USP4: variants seen among roughly 807,000 people sequenced by gnomAD.
USP4 encodes ubiquitin specific peptidase 4.
A neutral mutation model predicts 118.2 loss-of-function variants in USP4; 72 were observed. The observed-to-expected ratio is 0.61, with a 90% CI of 0.50 to 0.74. The LOEUF (loss-of-function observed/expected upper bound fraction) is 0.74. Among genes scored for constraint, USP4 ranks in the 30% least tolerant of loss-of-function variants. The pLI is 0.00. For synonymous variants in USP4, 415 were observed against 440.4 expected (o/e 0.94, Z 0.72); for missense variants, 1,037 against 1,185.7 (o/e 0.87, Z 1.84).
At position 49,297,906 on chromosome 3, in the gene USP4, C is replaced by T; in HGVS notation, c.1655G>A (p.Gly552Asp). 2 of 1,614,114 alleles carry T rather than the reference C, an allele frequency of 1.2e-6. No homozygotes were observed. The highest frequency in any genetic ancestry group is 1.3e-5 in the African/African-American group (1 of 75,028). The change falls in exon 13 of 22, where the codon GGT (glycine) becomes GAT (aspartate). Residue 552 changes from glycine (G) to aspartate (D), a missense_variant. Physicochemically the swap from Gly to Asp is moderately conservative, Grantham distance 94 (BLOSUM62 -1). Around this residue, in one of 3 missense-constraint regions of USP4, gnomAD observed 522 missense variants for 592.6 expected, o/e 0.88. Transcript: ENST00000265560. ...RFHKIFQMDEGLNHIMPRDDI... is the reference protein window; with the variant it reads ...RFHKIFQMDEDLNHIMPRDDI... ...ATCCCGAGGCATGATGTGGTTTAAA[C>T]CTTCATCCATTTGGAAAATTTTGTG...
In USP4 at chr3:49,286,128, C is replaced by T. The variant is rs541925823; in HGVS notation, c.2170G>A (p.Ala724Thr). Residue 724 changes from alanine (A) to threonine (T), a missense_variant, in exon 16 of 22, where the codon GCA (alanine) becomes ACA (threonine). Around this residue, in one of 3 missense-constraint regions of USP4, gnomAD observed 522 missense variants for 592.6 expected, o/e 0.88. Coordinates refer to ENST00000265560, the MANE Select transcript of USP4 (RefSeq NM_003363.4). ...AGTTTAAGTAGTTTTCCATCAGCTG[C>T]AAGTGAATTTATGTCAGCTGTTCCA... ...SYGTADINSLAADGKLLKLNS... is the reference protein window; with the variant it reads ...SYGTADINSLTADGKLLKLNS... 2.5e-5 allele frequency: 40 copies of T among 1,614,168 alleles called. 1 individual carries two copies. The South Asian group carries it at 4.2e-4, about 17-fold the overall frequency.
At chr3:49,278,966 G>A in intron 20 of USP4, 64 bp from the exon 21 acceptor site, 2 of 1,114,204 alleles carry the variant, frequency 1.8e-6, no homozygotes, top group East Asian at 2.6e-5. Flanking sequence ...TAGCTTATTA[G>A]GCTTGCACTA....
chr3:49,295,288 C>CAAAAAAAAAAAA (rs34296887), intron 13 of USP4, among the ~76,000 whole-genome samples: 2 of 11,944 alleles, frequency 1.7e-4, no homozygotes, highest in Non-Finnish European at 1.8e-4. Context: ...GACTCCATCT[C>CAAAAAAAAAAAA]AAAAAAAAAA....
intron 9 of USP4, among the ~76,000 whole-genome samples, chr3:49,305,231 C>G (rs2047301929): frequency 6.8e-6 from 1 of 146,506 alleles, no homozygotes; most frequent in Non-Finnish European, 1.5e-5. Context: ...TGCCATCACA[C>G]CTAGCTAATT....
Position 49,292,558 on chromosome 3 carries a change from A to G in USP4, c.1924T>C (p.Ser642Pro), listed in dbSNP as rs61761588. ...KQPLPDEFGS[S>P]PLEPGACNGS... ...TTGCAGGCCCCTGGCTCCAAGGGTG[A>G]GCTGCCAAACTCATCAGGTAAAGGC... Residue 642 changes from serine to proline, a missense_variant, in exon 15 of 22, where the codon TCA becomes CCA. Ser to Pro is a moderately conservative substitution (Grantham distance 74). Coordinates refer to ENST00000265560, the MANE Select transcript of USP4 (RefSeq NM_003363.4). The G allele has an allele frequency of 5.6e-6, 9 of 1,601,352 alleles. No individual in the cohort carries two copies. Among genetic ancestry groups the G allele is most frequent in the Non-Finnish European group, 6.0e-6 (7 of 1,173,314 alleles).
intron 6 of USP4, chr3:49,312,288 G>A (rs2107788778): frequency 6.2e-6 from 2 of 321,468 alleles, no homozygotes; most frequent in East Asian, 8.9e-5. Context: ...CTGGCCATGA[G>A]GTCAGGAGTT....
chr3:49,321,777 T>C (rs1416947739), intron 6 of USP4, among the ~76,000 whole-genome samples: 1 of 151,950 alleles, frequency 6.6e-6, no homozygotes, highest in Non-Finnish European at 1.5e-5. Context: ...GCGGATCACT[T>C]GAGGCTAGAA....
In USP4 at chr3:49,284,792, C is replaced by A. The variant is rs748855345; in HGVS notation, c.2271+57G>T. 8.3e-5 allele frequency: 126 copies of A among 1,516,426 alleles called. 3 individuals carry two copies. The Admixed American group carries it at 9.3e-4, about 11-fold the overall frequency. 93.9% of individuals were successfully genotyped at this position (1,516,426 alleles called of 1,614,324 possible). ...TCCAACTGGTGAAAGTGATCGCAGTCCACATCCAGAGCAGAAACCAGCAGA... is the reference window on the plus strand; with the variant it reads ...TCCAACTGGTGAAAGTGATCGCAGTACACATCCAGAGCAGAAACCAGCAGA... On this transcript the variant is annotated intron_variant, in intron 17 of 21. Coordinates refer to ENST00000265560, the MANE Select transcript of USP4 (RefSeq NM_003363.4).
At chr3:49,288,790 G>A (rs1197810599) in intron 15 of USP4, among the ~76,000 whole-genome samples, 1 of 152,120 alleles carries the variant, frequency 6.6e-6, no homozygotes, top group Non-Finnish European at 1.5e-5. Context: ...GCCTAACAAG[G>A]AGCCATGTCA....
chr3:49,283,894 A>G (rs568482689), intron 19 of USP4, 93 bp downstream of exon 19: 123 of 1,517,650 alleles, frequency 8.1e-5, no homozygotes, highest in African/African-American at 4.3e-4. Context: ...CCTTACTCAG[A>G]AAAGTTTTTG....
rs1432792088 is a variant in USP4 at position 49,277,333 on chromosome 3, G to A, written c.*960C>T. ...CCTTAAGGCCTTGCCCACACGCAGC[G>A]GCTGGCCCCGCGGTGGGAGTGGGGA... On this transcript the variant is annotated 3_prime_UTR_variant, in exon 22 of 22. Transcript: ENST00000265560. The A allele has an allele frequency of 1.5e-5, 15 of 993,960 alleles. No individual in the cohort carries two copies. Among genetic ancestry groups the A allele is most frequent in the Admixed American group, 2.8e-5 (1 of 35,666 alleles). 61.6% of individuals were successfully genotyped at this position (993,960 alleles called of 1,614,324 possible). A position where few individuals can be genotyped will look rare whatever the true frequency, so the allele number is the denominator to read the frequency against.
chr3:49,285,063 C>T (rs1294223082), intron 16 of USP4, 144 bp from the exon 17 acceptor site: 1 of 649,512 alleles, frequency 1.5e-6, no homozygotes, highest in Non-Finnish European at 2.7e-6. Flanking sequence ...GAGCAATGCT[C>T]TGCAATGGGC....
At chr3:49,334,983 T>C (rs181173572) in intron 2 of USP4, among the ~76,000 whole-genome samples, 5 of 152,284 alleles carry the variant, frequency 3.3e-5, no homozygotes, top group East Asian at 3.9e-4. Flanking sequence ...ACAGTTCCCA[T>C]TGGGAGCTGA....
chr3:49,285,086 C>T (rs2047079125), intron 16 of USP4, among the ~76,000 whole-genome samples, 167 bp from the exon 17 acceptor site: 1 of 152,132 alleles, frequency 6.6e-6, no homozygotes, highest in African/African-American at 2.4e-5. Flanking sequence ...GCCCTTCTGA[C>T]CCCCAGCCCC....
At chr3:49,339,497 G>C (rs1286599200) in intron 1 of USP4, among the ~76,000 whole-genome samples, 1 of 152,224 alleles carries the variant, frequency 6.6e-6, no homozygotes, top group African/African-American at 2.4e-5. Flanking sequence ...AAGTTACAAA[G>C]TATCTACTTC....
Position 49,300,559 on chromosome 3 carries a change from A to G in USP4, c.1420T>C (p.Phe474Leu), listed in dbSNP as rs773353714. 3 of 1,614,220 alleles carry G rather than the reference A, an allele frequency of 1.9e-6. No individual in the cohort carries two copies. The highest frequency in any genetic ancestry group is 8.5e-7 in the Non-Finnish European group (1 of 1,180,040). Residue 474 changes from phenylalanine to leucine, a missense_variant, in exon 11 of 22, where the codon TTT (phenylalanine) becomes CTT (leucine). This residue lies in a region of USP4 where 28 missense variants were observed against 59.0 expected (regional missense o/e 0.47). Coordinates refer to ENST00000265560, the MANE Select transcript of USP4 (RefSeq NM_003363.4). ...CAKVSVTFDPFCYLTLPLPLK... is the reference protein window; with the variant it reads ...CAKVSVTFDPLCYLTLPLPLK... ...GGCAGTGGCAGCGTTAGATAGCAAA[A>G]TGGGTCAAAGGTCACAGAAACCTTA...
At chr3:49,315,545 T>C (rs2047426393) in intron 6 of USP4, among the ~76,000 whole-genome samples, 1 of 152,020 alleles carries the variant, frequency 6.6e-6, no homozygotes, top group Non-Finnish European at 1.5e-5. Flanking sequence ...GCATATATAT[T>C]AGGTAAGCAA....
intron 15 of USP4, among the ~76,000 whole-genome samples, chr3:49,287,472 G>T (rs2047108407): frequency 6.6e-6 from 1 of 151,296 alleles, no homozygotes; most frequent in South Asian, 2.1e-4. Context: ...CAACTTAAAG[G>T]TCAATTGCCT....
chr3:49,298,013 C>T (rs2047227206), intron 12 of USP4, 49 bp from the exon 13 acceptor site: 2 of 1,198,954 alleles, frequency 1.7e-6, no homozygotes, highest in Non-Finnish European at 2.5e-6. Context: ...AAGAGTGCCC[C>T]TACTAACTGC....
Sources: allele counts gnomAD v4.1 joint callset (sites outside exome capture counted in the v4.1 genomes callset), GRCh38; gene constraint gnomAD v4.1.1; regional missense constraint gnomAD v4.1.1; transcripts MANE v1.5; gene names NCBI Gene and HGNC (gene_info 2026-07-23, HGNC 2026-07-21).